The following PTPRT variants were observed in gnomAD, a reference collection of about 807,000 sequenced individuals.
PTPRT encodes the protein receptor-type tyrosine-protein phosphatase T.
A neutral mutation model predicts 176.8 loss-of-function variants in PTPRT; 56 were observed. The observed-to-expected ratio is 0.32, with a 90% CI of 0.26 to 0.40. The LOEUF is 0.40. Among genes scored for constraint, PTPRT ranks in the 10% least tolerant of loss-of-function variants. PTPRT has a pLI of 1.00. For synonymous variants in PTPRT, 783 were observed against 739.0 expected (o/e 1.06, Z -0.96); for missense variants, 1,540 against 1,908.2 (o/e 0.81, Z 3.60).
chr20:42,428,311 G>C (rs1422610553), intron 9 of PTPRT, among the ~76,000 whole-genome samples: 1 of 152,172 alleles, frequency 6.6e-6, no homozygotes, highest in Non-Finnish European at 1.5e-5. Flanking sequence ...AGTCATCCTG[G>C]TGGCCCAGGT....
At chr20:42,956,785 G>A (rs1192149049) in intron 1 of PTPRT, among the ~76,000 whole-genome samples, 2 of 152,096 alleles carry the variant, frequency 1.3e-5, no homozygotes, top group African/African-American at 2.4e-5. Flanking sequence ...CAGCAACAAC[G>A]GTCAGGACTA....
intron 7 of PTPRT, among the ~76,000 whole-genome samples, chr20:42,495,580 A>G (rs1391417408): frequency 6.6e-6 from 1 of 152,196 alleles, no homozygotes; most frequent in African/African-American, 2.4e-5. Flanking sequence ...GGTTTTTCTG[A>G]TAAATATGTG....
At chr20:42,524,528 T>C (rs2072235006) in intron 7 of PTPRT, among the ~76,000 whole-genome samples, 1 of 152,212 alleles carries the variant, frequency 6.6e-6, no homozygotes, top group African/African-American at 2.4e-5. Flanking sequence ...TGGCAAGTGA[T>C]CTGTATACAT....
At chr20:42,807,623 T>C (rs897692446) in intron 2 of PTPRT, among the ~76,000 whole-genome samples, 1 of 152,124 alleles carries the variant, frequency 6.6e-6, no homozygotes, top group African/African-American at 2.4e-5. Context: ...CTGACCAAAA[T>C]TGATATACTA....
At chr20:42,828,594 C>A (rs111485078) in intron 2 of PTPRT, among the ~76,000 whole-genome samples, 55 of 152,252 alleles carry the variant, frequency 3.6e-4, no homozygotes, top group African/African-American at 1.3e-3. Context: ...GGGCCAGGCC[C>A]AGGGACCCCT....
At chr20:42,395,002 T>G (rs2058835317) in intron 9 of PTPRT, among the ~76,000 whole-genome samples, 1 of 152,218 alleles carries the variant, frequency 6.6e-6, no homozygotes. Context: ...CCATATTTTC[T>G]GCCTACTCCG....
intron 1 of PTPRT, among the ~76,000 whole-genome samples, chr20:43,056,437 G>A (rs550615265): frequency 7.2e-5 from 11 of 152,296 alleles, no homozygotes; most frequent in African/African-American, 2.4e-4. Context: ...TCCTTGCCTT[G>A]CCCTATCTAA....
intron 1 of PTPRT, among the ~76,000 whole-genome samples, chr20:43,067,866 T>G (rs1029882134): frequency 1.1e-4 from 15 of 137,716 alleles, no homozygotes; most frequent in Non-Finnish European, 2.2e-4. Flanking sequence ...CTCAAGAGGC[T>G]GAGGCAAGAG....
intron 7 of PTPRT, among the ~76,000 whole-genome samples, chr20:42,553,743 A>G (rs960746551): frequency 1.3e-5 from 2 of 151,908 alleles, no homozygotes; most frequent in Non-Finnish European, 2.9e-5. Flanking sequence ...TCCAGATTAG[A>G]GTTTATCCAG....
intron 1 of PTPRT, among the ~76,000 whole-genome samples, chr20:42,978,355 CTG>C (rs1410665835): frequency 2.6e-5 from 4 of 152,144 alleles, no homozygotes; most frequent in Non-Finnish European, 4.4e-5. Context: ...ATTCGGGTAA[CTG>C]AAACCACAGA....
rs78062453 is a variant in PTPRT, at chr20:42,788,609, C to T, written c.486+2586G>A. 5.7e-4 allele frequency among the ~76,000 whole-genome samples: 87 copies of T among 152,308 alleles called. No individual in the cohort carries two copies. In the East Asian group the frequency reaches 0.014, roughly 24 times the overall value. On this transcript the variant is annotated intron_variant, in intron 3 of 30. Coordinates refer to ENST00000373187, the MANE Select transcript of PTPRT (RefSeq NM_007050.6). ...TGCGGGAGTCACCTGTGCTGTTCGA[C>T]AGTCATTGCCATTATATCTCATTAT...
At chr20:42,106,965 A>T (rs773286427) in intron 23 of PTPRT, 44 bp from the exon 24 acceptor site, 1 of 1,600,718 alleles carries the variant, frequency 6.2e-7, no homozygotes, top group Admixed American at 1.7e-5. Context: ...TCATGGGGGG[A>T]ACCTGCCCTG....
At position 42,721,410 on chromosome 20, in the gene PTPRT, C is replaced by T. The variant is rs532934772; in HGVS notation, c.859+35052G>A. On this transcript the variant is annotated intron_variant, in intron 6 of 30. Coordinates refer to ENST00000373187, the MANE Select transcript of PTPRT (RefSeq NM_007050.6). ...GATGTGGGTGTCACTCAGGTCTTGG[C>T]GGTGTGGGTGGATGGAAGCGTGGTG... Among the ~76,000 whole-genome samples the T allele has an allele frequency of 1.1e-4, 17 of 152,136 alleles. 1 individual carries two copies. In the South Asian group the frequency reaches 1.7e-3, roughly 15 times the overall value.
chr20:43,187,508 C>A (rs1446615330), intron 1 of PTPRT, among the ~76,000 whole-genome samples: 2 of 151,446 alleles, frequency 1.3e-5, no homozygotes, highest in Non-Finnish European at 2.9e-5. Flanking sequence ...GTCTAGTTGC[C>A]GTTAAACTGG....
intron 4 of PTPRT, among the ~76,000 whole-genome samples, chr20:42,774,457 T>C (rs1343520407): frequency 6.6e-6 from 1 of 152,148 alleles, no homozygotes; most frequent in East Asian, 1.9e-4. Flanking sequence ...ATGCTTTGTA[T>C]AGGGGTGTCA....
chr20:43,067,796 C>T (rs1220850117), intron 1 of PTPRT, among the ~76,000 whole-genome samples: 1 of 150,566 alleles, frequency 6.6e-6, no homozygotes, highest in Admixed American at 6.6e-5. Flanking sequence ...ACCCCCATCT[C>T]TACATAAAAC....
intron 7 of PTPRT, among the ~76,000 whole-genome samples, chr20:42,602,530 T>C (rs1350299763): frequency 1.3e-5 from 2 of 152,176 alleles, no homozygotes; most frequent in Non-Finnish European, 2.9e-5. Flanking sequence ...GGAAATGCTG[T>C]CAATATCTCT....
intron 21 of PTPRT, among the ~76,000 whole-genome samples, chr20:42,116,508 A>G (rs1987292332): frequency 6.6e-6 from 1 of 152,176 alleles, no homozygotes; most frequent in Non-Finnish European, 1.5e-5. Flanking sequence ...ATGATAGCTA[A>G]CATTTACTGA....
At chr20:43,015,331 G>A (rs2146162616) in intron 1 of PTPRT, among the ~76,000 whole-genome samples, 1 of 152,236 alleles carries the variant, frequency 6.6e-6, no homozygotes, top group Non-Finnish European at 1.5e-5. Flanking sequence ...TATCTTTTCG[G>A]CCAAACTTAC....
Sources: allele counts gnomAD v4.1 joint callset (sites outside exome capture counted in the v4.1 genomes callset), GRCh38; gene constraint gnomAD v4.1.1; transcripts MANE v1.5; gene names NCBI Gene and HGNC (gene_info 2026-07-23, HGNC 2026-07-21).